Variants in PKP4 observed in about 807,000 individuals in gnomAD.
PKP4 encodes plakophilin-4.
A neutral mutation model predicts 145.1 loss-of-function variants in PKP4; 90 were observed. The ratio of observed to expected loss-of-function variants is 0.62; its 90% confidence interval spans 0.52 to 0.74. The LOEUF (loss-of-function observed/expected upper bound fraction) is 0.74. Ranked by LOEUF, PKP4 falls within the 30% of genes least tolerant of loss-of-function variation. The probability of loss-of-function intolerance (pLI) is 0.00; values close to 1 mark genes in which losing one functional copy is unlikely to be tolerated. For missense variants in PKP4, 1,340 were observed against 1,482.7 expected (o/e 0.90, Z 1.58); for synonymous variants, 563 against 577.2 (o/e 0.98, Z 0.35).
At chr2:158,552,524 T>C (rs1007646159) in intron 2 of PKP4, among the ~76,000 whole-genome samples, 2 of 152,142 alleles carry the variant, frequency 1.3e-5, no homozygotes, top group Non-Finnish European at 2.9e-5. Flanking sequence ...CTAGATTGCT[T>C]TAAACAAAAC....
intron 1 of PKP4, among the ~76,000 whole-genome samples, chr2:158,498,381 T>C (rs1291349705): frequency 1.3e-5 from 2 of 152,342 alleles, no homozygotes; most frequent in African/African-American, 2.4e-5. Context: ...ATAAAAAGCA[T>C]TTTATAGTCC....
chr2:158,633,448 A>G (rs1307564629), intron 8 of PKP4, among the ~76,000 whole-genome samples: 1 of 152,258 alleles, frequency 6.6e-6, no homozygotes, highest in Non-Finnish European at 1.5e-5. Context: ...ACACTGGACA[A>G]AGGGATTATT....
chr2:158,475,033 T>C (rs1312953523), intron 1 of PKP4, among the ~76,000 whole-genome samples: 1 of 152,232 alleles, frequency 6.6e-6, no homozygotes, highest in Non-Finnish European at 1.5e-5. Flanking sequence ...TCCTTAGATT[T>C]CAGGCTAGTT....
chr2:158,463,352 A>G (rs1355363347), intron 1 of PKP4, among the ~76,000 whole-genome samples: 2 of 152,140 alleles, frequency 1.3e-5, no homozygotes, highest in Non-Finnish European at 2.9e-5. Context: ...CCATTTGCCC[A>G]AATGCAGCTT....
intron 9 of PKP4, among the ~76,000 whole-genome samples, chr2:158,640,238 C>G (rs1325623870): frequency 6.6e-6 from 1 of 152,356 alleles, no homozygotes; most frequent in Admixed American, 6.5e-5. Flanking sequence ...AGCCCTTCCT[C>G]TCCCTTCAGG....
intron 1 of PKP4, among the ~76,000 whole-genome samples, chr2:158,478,383 A>G (rs1363741423): frequency 6.6e-6 from 1 of 152,030 alleles, no homozygotes; most frequent in Non-Finnish European, 1.5e-5. Context: ...TAAATCCTTT[A>G]GACTATGCCG....
At chr2:158,666,872 A>T (rs2057137658) in intron 16 of PKP4, among the ~76,000 whole-genome samples, 2 of 152,234 alleles carry the variant, frequency 1.3e-5, no homozygotes, top group Admixed American at 6.5e-5. Flanking sequence ...CCTGAGCAAC[A>T]AAAAATCTTA....
At chr2:158,463,689 C>T (rs959583524) in intron 1 of PKP4, among the ~76,000 whole-genome samples, 3 of 152,104 alleles carry the variant, frequency 2.0e-5, no homozygotes, top group South Asian at 2.1e-4. Context: ...ACTTACATTT[C>T]GCAACTCTTA....
Position 158,666,318 on chromosome 2 carries a change from T to G in PKP4, c.2578-95T>G, listed in dbSNP as rs1206520132. On this transcript the variant is annotated intron_variant, in intron 15 of 21. Transcript: ENST00000389759. ...ATTGGAAAGAAACCATTTAATCTAT[T>G]AGTTCATCTTTTGGAAACATCTTTT... 3 of 1,086,202 alleles carry G rather than the reference T, an allele frequency of 2.8e-6. No homozygotes were observed. In the African/African-American group the frequency reaches 4.9e-5, roughly 18 times the overall value. 67.3% of individuals were successfully genotyped at this position (1,086,202 alleles called of 1,614,324 possible). A position where few individuals can be genotyped will look rare whatever the true frequency, so the allele number is the denominator to read the frequency against.
chr2:158,472,297 A>C, intron 1 of PKP4, among the ~76,000 whole-genome samples: 1 of 35,056 alleles, frequency 2.9e-5, no homozygotes, highest in South Asian at 1.6e-3. Flanking sequence ...GTTTCTAAAA[A>C]ATTTAAAATG....
At chr2:158,646,990 C>T (rs955117630) in intron 11 of PKP4, among the ~76,000 whole-genome samples, 4 of 152,226 alleles carry the variant, frequency 2.6e-5, no homozygotes, top group African/African-American at 9.6e-5. Flanking sequence ...AAGACCAGTT[C>T]CACCCTAGAT....
chr2:158,657,138 G>T (rs1055088234), intron 11 of PKP4, among the ~76,000 whole-genome samples: 6 of 152,148 alleles, frequency 3.9e-5, no homozygotes, highest in Non-Finnish European at 8.8e-5. Flanking sequence ...CTCTGGGGGG[G>T]ACTTGAATGC....
intron 17 of PKP4, among the ~76,000 whole-genome samples, chr2:158,670,382 G>A (rs1164271878): frequency 6.6e-6 from 1 of 152,098 alleles, no homozygotes; most frequent in Admixed American, 6.5e-5. Context: ...GTTTTTATAA[G>A]GGTGCTAATG....
Position 158,543,534 on chromosome 2 carries a change from C to T in PKP4, c.132+10218C>T, listed in dbSNP as rs544185444. On this transcript the variant is annotated intron_variant, in intron 2 of 21. Coordinates refer to ENST00000389759, the MANE Select transcript of PKP4 (RefSeq NM_003628.6). ...TTGTGAATGTTCATAGTGGTGCTTT[C>T]AGTCATCAAGAAAAGTGTGTGCTCT... 1.6e-4 allele frequency among the ~76,000 whole-genome samples: 25 copies of T among 152,230 alleles called. No homozygotes were observed. In the South Asian group the frequency reaches 3.5e-3, roughly 21 times the overall value.
At chr2:158,678,855 C>T (rs1575159669) in intron 21 of PKP4, 5 of 604,438 alleles carry the variant, frequency 8.3e-6, no homozygotes, top group East Asian at 2.8e-5. Context: ...GTATCCACAT[C>T]GGTACTGCTG....
intron 19 of PKP4, among the ~76,000 whole-genome samples, chr2:158,676,257 A>G (rs1410253666): frequency 6.6e-6 from 1 of 152,246 alleles, no homozygotes; most frequent in African/African-American, 2.4e-5. Flanking sequence ...AAATAATTAG[A>G]AATCAAAACA....
At position 158,624,951 on chromosome 2, in the gene PKP4, T is replaced by G. The variant is rs891563165; in HGVS notation, c.677T>G (p.Ile226Ser). Reference protein sequence around the residue: ...PSRAQSPSYVISTGVSPSRGS... With the variant: ...PSRAQSPSYVSSTGVSPSRGS... Reference sequence around the variant, plus strand: ...AGAGCACAGTCTCCTTCTTATGTTATCAGCACAGGCGTGTCTCCTTCAAGG... The same window carrying G: ...AGAGCACAGTCTCCTTCTTATGTTAGCAGCACAGGCGTGTCTCCTTCAAGG... The change falls in exon 7 of 22, where the codon ATC becomes AGC. Residue 226 changes from isoleucine to serine, a missense_variant. Coordinates refer to ENST00000389759, the MANE Select transcript of PKP4 (RefSeq NM_003628.6). 11 of 1,614,040 alleles carry G rather than the reference T, an allele frequency of 6.8e-6. No homozygotes were observed. Among genetic ancestry groups the G allele is most frequent in the Non-Finnish European group, 8.5e-6 (10 of 1,179,934 alleles).
At chr2:158,654,013 CA>C (rs1341635279) in intron 11 of PKP4, among the ~76,000 whole-genome samples, 1 of 152,040 alleles carries the variant, frequency 6.6e-6, no homozygotes, top group Non-Finnish European at 1.5e-5. Context: ...TTACTTTGAG[CA>C]AAAAAGCCAA....
intron 2 of PKP4, among the ~76,000 whole-genome samples, chr2:158,575,781 A>G (rs2105779228): frequency 1.3e-5 from 2 of 151,576 alleles, no homozygotes; most frequent in East Asian, 3.9e-4. Flanking sequence ...GTGAACAAAT[A>G]GAAGTCTATA....
Sources: allele counts gnomAD v4.1 joint callset (sites outside exome capture counted in the v4.1 genomes callset), GRCh38; gene constraint gnomAD v4.1.1; transcripts MANE v1.5; gene names NCBI Gene and HGNC (gene_info 2026-07-23, HGNC 2026-07-21).